CORO2A: variants seen among roughly 807,000 people sequenced by gnomAD.
CORO2A encodes the protein coronin 2A, also known as coronin-2A.
A neutral mutation model predicts 62.4 loss-of-function variants in CORO2A; 47 were observed. The observed-to-expected ratio is 0.75, with a 90% CI of 0.60 to 0.96. CORO2A has a LOEUF of 0.96. Among genes scored for constraint, CORO2A ranks in the 40% least tolerant of loss-of-function variants. The probability of loss-of-function intolerance (pLI) is 0.00; values close to 1 mark genes in which losing one functional copy is unlikely to be tolerated. For missense variants in CORO2A, 610 were observed against 684.1 expected, an observed-to-expected ratio of 0.89 and a Z score of 1.21; for synonymous variants, 273 against 268.9, an observed-to-expected ratio of 1.02 and a Z score of -0.15.
intron 1 of CORO2A, among the ~76,000 whole-genome samples, chr9:98,164,935 C>CTCA (rs1827938515): frequency 7.6e-6 from 1 of 130,878 alleles, no homozygotes; most frequent in Non-Finnish European, 1.6e-5. Flanking sequence ...TGGTCACTCT[C>CTCA]CCACCACTAC....
intron 1 of CORO2A, among the ~76,000 whole-genome samples, chr9:98,171,572 T>C (rs763568159): frequency 6.6e-6 from 1 of 152,060 alleles, no homozygotes; most frequent in Non-Finnish European, 1.5e-5. Flanking sequence ...GCGCTGCAAG[T>C]TGCAGCAGGG....
intron 1 of CORO2A, among the ~76,000 whole-genome samples, chr9:98,168,982 A>G (rs1028109936): frequency 3.4e-5 from 5 of 146,596 alleles, no homozygotes; most frequent in Non-Finnish European, 6.0e-5. Context: ...AGAAGGCCCC[A>G]CCCTGCCCTA....
At chr9:98,190,929 G>C (rs1253434569) in intron 1 of CORO2A, among the ~76,000 whole-genome samples, 1 of 152,212 alleles carries the variant, frequency 6.6e-6, no homozygotes, top group African/African-American at 2.4e-5. Context: ...TGGCCGCAGG[G>C]CAAGGTCATA....
chr9:98,136,894 C>A (rs1253310142), intron 3 of CORO2A, among the ~76,000 whole-genome samples: 4 of 152,112 alleles, frequency 2.6e-5, no homozygotes, highest in South Asian at 2.1e-4. Flanking sequence ...CACTATGTTG[C>A]CTAGGTTGGT....
rs527951087 is a variant in CORO2A at position 98,142,651 on chromosome 9, T to G, written c.202-4963A>C. Among the ~76,000 whole-genome samples the G allele has an allele frequency of 5.9e-5, 9 of 152,274 alleles. No individual in the cohort carries two copies. In the South Asian group the frequency reaches 1.9e-3, roughly 32 times the overall value. Reference sequence around the variant, plus strand: ...GAGGCAAAGTGCCCAGGAGCCCCATTCAGACACACACCTCCCACCTCCCAC... The same window carrying G: ...GAGGCAAAGTGCCCAGGAGCCCCATGCAGACACACACCTCCCACCTCCCAC... On this transcript the variant is annotated intron_variant, in intron 2 of 11. Transcript: ENST00000375077.
chr9:98,125,052 T>G, intron 11 of CORO2A, 147 bp from the exon 12 acceptor site: 1 of 743,228 alleles, frequency 1.3e-6, no homozygotes, highest in Non-Finnish European at 2.1e-6. Flanking sequence ...GCATAGATCT[T>G]TTACAAACAC....
chr9:98,166,028 T>C (rs1248553881), intron 1 of CORO2A, among the ~76,000 whole-genome samples: 1 of 152,202 alleles, frequency 6.6e-6, no homozygotes, highest in African/African-American at 2.4e-5. Flanking sequence ...GCTGCTAACA[T>C]GAAGCAACAG....
At chr9:98,191,677 C>G (rs1343552521) in intron 1 of CORO2A, among the ~76,000 whole-genome samples, 1 of 152,196 alleles carries the variant, frequency 6.6e-6, no homozygotes, top group Non-Finnish European at 1.5e-5. Context: ...TCTTCTTTAC[C>G]TAGGGAGCCT....
intron 1 of CORO2A, among the ~76,000 whole-genome samples, chr9:98,164,785 C>G (rs1370076049): frequency 6.6e-6 from 1 of 152,062 alleles, no homozygotes; most frequent in East Asian, 1.9e-4. Context: ...TCCTTCAAAG[C>G]AAAAAGGGTC....
chr9:98,142,524 G>A (rs563982454), intron 2 of CORO2A, among the ~76,000 whole-genome samples: 2 of 152,216 alleles, frequency 1.3e-5, no homozygotes, highest in Admixed American at 6.5e-5. Context: ...ATTGCTCTCC[G>A]GGCCTTTAGA....
rs771508436 is a variant in CORO2A at position 98,137,669 on chromosome 9, T to C, written c.221A>G (p.His74Arg). Residue 74 changes from histidine to arginine, a missense_variant, in exon 3 of 12, where the codon CAC becomes CGC. By Grantham distance (29) the His-to-Arg change is conservative. Transcript: ENST00000375077. ...TCTGTGCCCGCAGACTTTTGGGTAG[T>C]GGGGGTCCAACTTCCCTGTCTGCAA... is the stretch of plus-strand genomic sequence containing the variant. ...PLHQTGKLDPHYPKVCGHRGN... is the reference protein window; with the variant it reads ...PLHQTGKLDPRYPKVCGHRGN... The C allele has an allele frequency of 2.5e-6, 4 of 1,614,142 alleles. No individual in the cohort carries two copies. In the East Asian group the frequency reaches 6.7e-5, roughly 27 times the overall value.
chr9:98,136,431 T>A (rs1246469590), intron 3 of CORO2A, among the ~76,000 whole-genome samples: 2 of 152,256 alleles, frequency 1.3e-5, no homozygotes, highest in Admixed American at 1.3e-4. Flanking sequence ...TTGATCTAAC[T>A]GAAGGTTTTG....
At chr9:98,184,517 T>C (rs1483772945) in intron 1 of CORO2A, among the ~76,000 whole-genome samples, 1 of 152,240 alleles carries the variant, frequency 6.6e-6, no homozygotes, top group Non-Finnish European at 1.5e-5. Flanking sequence ...TACCGTGACA[T>C]GGTGGCCCTC....
intron 1 of CORO2A, among the ~76,000 whole-genome samples, chr9:98,176,394 G>A (rs1056847537): frequency 6.6e-6 from 1 of 152,204 alleles, no homozygotes; most frequent in Admixed American, 6.5e-5. Context: ...GCTCGTACCA[G>A]TCTAGTGATG....
At chr9:98,157,803 C>G (rs1385002092) in intron 1 of CORO2A, 143 bp from the exon 2 acceptor site, 3 of 688,842 alleles carry the variant, frequency 4.4e-6, no homozygotes, top group African/African-American at 1.8e-5. Flanking sequence ...CTGTGAAGGG[C>G]AAACAAGTGA....
rs1827247338 is a variant in CORO2A, at chr9:98,121,717, C to T, written c.*3057G>A. 1 of 152,150 alleles carries T rather than the reference C, an allele frequency of 6.6e-6. No individual in the cohort carries two copies. The highest frequency in any genetic ancestry group is 1.5e-5 in the Non-Finnish European group (1 of 68,070). The allele number at this position is 152,150 out of a possible 1,614,324, so 9.4% of individuals were successfully genotyped here. On this transcript the variant is annotated 3_prime_UTR_variant, in exon 12 of 12. Coordinates refer to ENST00000375077, the MANE Select transcript of CORO2A (RefSeq NM_052820.4). ...ATGATGTTTCTTCACTTCTCTGAGG[C>T]TAGGTCTTTGATTCTGAACATGGGG...
intron 2 of CORO2A, among the ~76,000 whole-genome samples, chr9:98,139,064 A>T (rs981862093): frequency 4.0e-5 from 6 of 150,342 alleles, no homozygotes; most frequent in African/African-American, 1.2e-4. Flanking sequence ...AAAAAAAAAG[A>T]AAGAAAAATG....
intron 3 of CORO2A, 105 bp downstream of exon 3, chr9:98,137,467 G>A (rs905502619): frequency 1.8e-5 from 16 of 894,066 alleles, no homozygotes; most frequent in African/African-American, 3.3e-5. Context: ...CCTCACCTCC[G>A]CGATGGAGTC....
chr9:98,141,776 T>C (rs897847899), intron 2 of CORO2A, among the ~76,000 whole-genome samples: 1 of 152,210 alleles, frequency 6.6e-6, no homozygotes, highest in Admixed American at 6.5e-5. Context: ...TTTTTCCTCA[T>C]CTGTAAAATG....
Sources: allele counts gnomAD v4.1 joint callset (sites outside exome capture counted in the v4.1 genomes callset), GRCh38; gene constraint gnomAD v4.1.1; transcripts MANE v1.5; gene names NCBI Gene and HGNC (gene_info 2026-07-23, HGNC 2026-07-21).